The following CNTN5 variants were observed in gnomAD, a reference collection of about 807,000 sequenced individuals.
CNTN5 encodes contactin 5, also known as contactin-5.
In CNTN5, 77 loss-of-function variants were observed where a neutral mutation model predicts 129.1. The ratio of observed to expected loss-of-function variants is 0.60; its 90% CI spans 0.50 to 0.72. CNTN5 has a LOEUF of 0.72. Among genes scored for constraint, CNTN5 ranks in the 30% least tolerant of loss-of-function variants. The probability of loss-of-function intolerance (pLI) is 0.00; values close to 1 mark genes in which losing one functional copy is unlikely to be tolerated. For synonymous variants in CNTN5, 509 were observed against 465.6 expected (o/e 1.09, Z -1.20); for missense variants, 1,478 against 1,328.8 (o/e 1.11, Z -1.75).
At chr11:99,571,738 T>C (rs960358492) in intron 3 of CNTN5, among the ~76,000 whole-genome samples, 2 of 152,182 alleles carry the variant, frequency 1.3e-5, no homozygotes, top group Non-Finnish European at 2.9e-5. Flanking sequence ...TGGGTACATA[T>C]CCTGGTCATA....
chr11:99,784,173 C>G (rs750695211), intron 3 of CNTN5, among the ~76,000 whole-genome samples: 1 of 152,106 alleles, frequency 6.6e-6, no homozygotes, highest in Non-Finnish European at 1.5e-5. Flanking sequence ...ACTTTAAGTT[C>G]TGGGATACAT....
At chr11:99,147,154 A>T (rs530412543) in intron 1 of CNTN5, among the ~76,000 whole-genome samples, 1 of 152,354 alleles carries the variant, frequency 6.6e-6, no homozygotes, top group African/African-American at 2.4e-5. Context: ...TTTGTTATTA[A>T]TGCATCTTTC....
intron 1 of CNTN5, among the ~76,000 whole-genome samples, chr11:99,169,039 G>A (rs1861021745): frequency 6.6e-6 from 1 of 152,164 alleles, no homozygotes; most frequent in African/African-American, 2.4e-5. Context: ...AGAGCTTTAT[G>A]AACTGTACAT....
intron 18 of CNTN5, among the ~76,000 whole-genome samples, chr11:100,286,491 G>C (rs1231416039): frequency 6.7e-6 from 1 of 150,350 alleles, no homozygotes; most frequent in Non-Finnish European, 1.5e-5. Flanking sequence ...CCCCAGCAGG[G>C]GCACACTGAC....
chr11:99,875,156 C>G (rs12226319), intron 6 of CNTN5, among the ~76,000 whole-genome samples: 1 of 152,024 alleles, frequency 6.6e-6, no homozygotes, highest in Non-Finnish European at 1.5e-5. Flanking sequence ...CCTTTACCTC[C>G]ACACTGAAAA....
intron 2 of CNTN5, among the ~76,000 whole-genome samples, chr11:99,376,351 A>C (rs1404482091): frequency 6.6e-6 from 1 of 152,194 alleles, no homozygotes; most frequent in African/African-American, 2.4e-5. Context: ...AACATGATGA[A>C]GGTGAGATCT....
intron 1 of CNTN5, among the ~76,000 whole-genome samples, chr11:99,323,629 A>T (rs1865662540): frequency 6.6e-6 from 1 of 152,122 alleles, no homozygotes; most frequent in African/African-American, 2.4e-5. Flanking sequence ...AAGTAATGGC[A>T]GTAAAAAGAA....
chr11:99,338,161 A>C (rs1483357639), intron 2 of CNTN5, among the ~76,000 whole-genome samples: 11 of 152,190 alleles, frequency 7.2e-5, no homozygotes. Context: ...AGCATCTTTA[A>C]ATATGCAACA....
intron 1 of CNTN5, among the ~76,000 whole-genome samples, chr11:99,123,319 A>G (rs890119724): frequency 6.6e-6 from 1 of 151,830 alleles, no homozygotes; most frequent in Non-Finnish European, 1.5e-5. Flanking sequence ...CATTTTTCAT[A>G]TGCTTGATGG....
intron 2 of CNTN5, among the ~76,000 whole-genome samples, chr11:99,411,849 G>A (rs1181758757): frequency 1.3e-5 from 2 of 152,112 alleles, no homozygotes; most frequent in Non-Finnish European, 2.9e-5. Flanking sequence ...CTTACATATG[G>A]TTGATTGGTA....
At chr11:99,998,077 C>T (rs1293925908) in intron 8 of CNTN5, among the ~76,000 whole-genome samples, 1 of 152,158 alleles carries the variant, frequency 6.6e-6, no homozygotes, top group East Asian at 1.9e-4. Context: ...TGGAAGCATT[C>T]CCATTGAAAA....
At chr11:100,110,551 A>G (rs897701010) in intron 13 of CNTN5, among the ~76,000 whole-genome samples, 1 of 152,212 alleles carries the variant, frequency 6.6e-6, no homozygotes, top group Admixed American at 6.5e-5. Flanking sequence ...GCTAGAAGAG[A>G]AAAAAACACA....
At chr11:99,661,606 G>C (rs1184884571) in intron 3 of CNTN5, among the ~76,000 whole-genome samples, 1 of 151,980 alleles carries the variant, frequency 6.6e-6, no homozygotes, top group East Asian at 1.9e-4. Flanking sequence ...CACCAAAACT[G>C]TGTCCCCACT....
intron 1 of CNTN5, among the ~76,000 whole-genome samples, chr11:99,027,556 A>G (rs1863161461): frequency 6.6e-6 from 1 of 151,692 alleles, no homozygotes; most frequent in South Asian, 2.1e-4. Context: ...TTGAAACCGT[A>G]ATAGTATTTA....
chr11:99,302,212 A>G (rs1036705223), intron 1 of CNTN5, among the ~76,000 whole-genome samples: 10 of 151,696 alleles, frequency 6.6e-5, no homozygotes, highest in African/African-American at 2.4e-4. Context: ...GAAAAAAAGA[A>G]TAAATATTAA....
intron 17 of CNTN5, among the ~76,000 whole-genome samples, chr11:100,256,723 A>G (rs533983628): frequency 1.3e-5 from 2 of 152,004 alleles, no homozygotes; most frequent in African/African-American, 2.4e-5. Flanking sequence ...CCCCTAGCCA[A>G]GGGAAGCTGT....
At chr11:99,351,507 C>T (rs1426046567) in intron 2 of CNTN5, among the ~76,000 whole-genome samples, 1 of 152,140 alleles carries the variant, frequency 6.6e-6, no homozygotes, top group East Asian at 1.9e-4. Context: ...TTTTAAAATC[C>T]TTCCTCTTTC....
At chr11:99,988,080 C>A (rs1482831588) in intron 8 of CNTN5, among the ~76,000 whole-genome samples, 3 of 152,152 alleles carry the variant, frequency 2.0e-5, no homozygotes, top group Non-Finnish European at 4.4e-5. Flanking sequence ...CTCCTTTGAA[C>A]CATATCATAC....
Position 99,141,868 on chromosome 11 carries a change from A to G in CNTN5, c.-210+120598A>G, listed in dbSNP as rs1859531532. Among the ~76,000 whole-genome samples the G allele has an allele frequency of 2.6e-5, 4 of 152,262 alleles. No homozygotes were observed. The South Asian group carries it at 8.3e-4, about 32-fold the overall frequency. Reference sequence around the variant, plus strand: ...GCTGTGGTCCAAATGTGTAGTTGGTATGATTTCGATTTCTTTGAATTTGTT... The same window carrying G: ...GCTGTGGTCCAAATGTGTAGTTGGTGTGATTTCGATTTCTTTGAATTTGTT... On this transcript the variant is annotated intron_variant, in intron 1 of 24. Coordinates refer to ENST00000524871, the MANE Select transcript of CNTN5 (RefSeq NM_014361.4).
Sources: gnomAD v4.1 joint callset for allele counts (sites outside exome capture counted in the v4.1 genomes callset) on GRCh38, gnomAD v4.1.1 for gene constraint, MANE v1.5 for transcripts, NCBI Gene and HGNC (gene_info 2026-07-23, HGNC 2026-07-21) for gene names.